Variants in BEND5 observed in about 807,000 individuals in gnomAD.
BEND5 encodes BEN domain containing 5.
Under a neutral mutation model 43.9 loss-of-function variants are expected in BEND5, and 22 were observed. The ratio of observed to expected loss-of-function variants is 0.50; its 90% CI spans 0.36 to 0.72. The LOEUF (loss-of-function observed/expected upper bound fraction) is 0.72. BEND5 is among the 30% of genes least tolerant of loss of function. The pLI is 0.00. For synonymous variants in BEND5, 228 were observed against 225.9 expected, an observed-to-expected ratio of 1.01 and a Z score of -0.08; for missense variants, 428 against 550.6, an observed-to-expected ratio of 0.78 and a Z score of 2.23.
chr1:48,738,121 C>T lies in BEND5; in HGVS notation c.895-1669G>A, dbSNP rs372811966. ...CTTGGCTTGGGAAGGAAGGTGAATA[C>T]ACATAGTTAGGCAGTCAGGTCAGCC... is the stretch of plus-strand genomic sequence containing the variant. On this transcript the variant is annotated intron_variant, in intron 4 of 5. Coordinates refer to ENST00000371833, the MANE Select transcript of BEND5 (RefSeq NM_024603.4). 5.5e-4 allele frequency among the ~76,000 whole-genome samples: 84 copies of T among 152,280 alleles called. 1 individual carries two copies. The East Asian group carries it at 6.6e-3, about 12-fold the overall frequency.
At position 48,776,630 on chromosome 1, in the gene BEND5, T is replaced by C. The variant is rs750611570; in HGVS notation, c.202A>G (p.Lys68Glu). 4.3e-3 allele frequency: 6,295 copies of C among 1,474,846 alleles called. 15 individuals are homozygous for C. Among genetic ancestry groups the C allele is most frequent in the Non-Finnish European group, 5.1e-3 (5,690 of 1,117,660 alleles). 91.4% of individuals were successfully genotyped at this position (1,474,846 alleles called of 1,614,324 possible). A position where few individuals can be genotyped will look rare whatever the true frequency, so the allele number is the denominator to read the frequency against. The change falls in exon 1 of 6, where the codon AAG becomes GAG. Residue 68 changes from lysine (K) to glutamate (E), a missense_variant. By Grantham distance (56) the Lys-to-Glu change is moderately conservative. Transcript: ENST00000371833. ...PRDWGALLLH[K>E]AQILALAEDK... Reference sequence around the variant, plus strand: ...CCTGCCAGCGCCAGGATCTGGGCCTTGTGGAGCAACAGCGCGCCCCAGTCG... The same window carrying C: ...CCTGCCAGCGCCAGGATCTGGGCCTCGTGGAGCAACAGCGCGCCCCAGTCG...
chr1:48,744,514 T>C (rs948385007), intron 3 of BEND5, among the ~76,000 whole-genome samples: 18 of 152,086 alleles, frequency 1.2e-4, no homozygotes, highest in African/African-American at 4.3e-4. Context: ...AAAAAAATAA[T>C]AGGCTGAAAA....
In BEND5 at chr1:48,759,053, G is replaced by A. The variant is rs201098567; in HGVS notation, c.592C>T (p.Arg198Cys). Residue 198 changes from arginine to cysteine, a missense_variant, in exon 3 of 6, where the codon CGC (arginine) becomes TGC (cysteine). Physicochemically the swap from Arg to Cys is radical, Grantham distance 180. Coordinates refer to ENST00000371833, the MANE Select transcript of BEND5 (RefSeq NM_024603.4). ...RNYQQQQEEM[R>C]HLQQELERTR... ...CGCTCCAGCTCCTGCTGGAGGTGGC[G>A]CATCTCTTCCTGTTGCTGCTGGTAG... 6.7e-5 allele frequency: 108 copies of A among 1,613,454 alleles called. No individual in the cohort carries two copies. The highest frequency in any genetic ancestry group is 1.3e-4 in the Admixed American group (8 of 59,888).
In BEND5 at chr1:48,774,634, C is replaced by G. The variant is rs148088019; in HGVS notation, c.226+1972G>C. 1.9e-3 allele frequency among the ~76,000 whole-genome samples: 295 copies of G among 152,322 alleles called. 2 individuals are homozygous for G. The highest frequency in any genetic ancestry group is 6.9e-3 in the African/African-American group (285 of 41,574). On this transcript the variant is annotated intron_variant, in intron 1 of 5. Transcript: ENST00000371833. ...CCATACAGATTTATCAACATTCTAACTTGGAGGATGAACAGTCTACAGGTT... is the reference window on the plus strand; with the variant it reads ...CCATACAGATTTATCAACATTCTAAGTTGGAGGATGAACAGTCTACAGGTT...
Position 48,734,615 on chromosome 1 carries a change from C to T in BEND5, c.1108+1624G>A, listed in dbSNP as rs146344445. Among the ~76,000 whole-genome samples the T allele has an allele frequency of 5.7e-3, 872 of 152,320 alleles. 13 individuals are homozygous for T. The highest frequency in any genetic ancestry group is 0.02 in the African/African-American group (828 of 41,564). On this transcript the variant is annotated intron_variant, in intron 5 of 5. Transcript: ENST00000371833. ...CAGCCATCTGGGGCTTCTTCACACC[C>T]GGAGCATGCCAGCCTTCATACCTGC... is the stretch of plus-strand genomic sequence containing the variant.
At chr1:48,759,440 T>A in intron 2 of BEND5, 156 bp from the exon 3 acceptor site, 1 of 1,295,794 alleles carries the variant, frequency 7.7e-7, no homozygotes. Flanking sequence ...CCCTTCATTT[T>A]ATAAATGGGG....
chr1:48,740,778 G>A (rs550263587), intron 4 of BEND5, among the ~76,000 whole-genome samples: 2 of 152,190 alleles, frequency 1.3e-5, no homozygotes, highest in African/African-American at 4.8e-5. Context: ...CAAGACAGCA[G>A]AGCCAAGAAC....
chr1:48,760,724 A>T (rs1274374703), intron 2 of BEND5, among the ~76,000 whole-genome samples: 1 of 152,138 alleles, frequency 6.6e-6, no homozygotes, highest in Non-Finnish European at 1.5e-5. Context: ...TGCAGAAGAC[A>T]TCCCACTTCC....
rs1254230360 is a variant in BEND5, at chr1:48,766,838, C to T, written c.227-5368G>A. 3.3e-5 allele frequency among the ~76,000 whole-genome samples: 5 copies of T among 152,188 alleles called. No individual in the cohort carries two copies. In the East Asian group the frequency reaches 9.6e-4, roughly 29 times the overall value. ...CAAGTCCTCTGCTCATTCTTTTCTGCAGGCAGTGAACATTTACTGTTCCTG... is the reference window on the plus strand; with the variant it reads ...CAAGTCCTCTGCTCATTCTTTTCTGTAGGCAGTGAACATTTACTGTTCCTG... On this transcript the variant is annotated intron_variant, in intron 1 of 5. Coordinates refer to ENST00000371833, the MANE Select transcript of BEND5 (RefSeq NM_024603.4).
chr1:48,767,250 G>A (rs1156806189), intron 1 of BEND5, among the ~76,000 whole-genome samples: 1 of 152,188 alleles, frequency 6.6e-6, no homozygotes, highest in Non-Finnish European at 1.5e-5. Flanking sequence ...CATTACCAGT[G>A]AAGTGGGGAT....
At chr1:48,750,143 C>T (rs1424057108) in intron 3 of BEND5, among the ~76,000 whole-genome samples, 1 of 152,188 alleles carries the variant, frequency 6.6e-6, no homozygotes, top group Non-Finnish European at 1.5e-5. Context: ...ATATGGGATT[C>T]ATCTTTGCTA....
intron 1 of BEND5, 44 bp downstream of exon 1, chr1:48,776,562 G>T: frequency 4.9e-6 from 5 of 1,016,240 alleles, no homozygotes; most frequent in South Asian, 1.9e-5. Context: ...CGGGGTCCCA[G>T]CCCCCGCCCG....
At position 48,727,808 on chromosome 1, in the gene BEND5, C is replaced by A; in HGVS notation, c.*78G>T. The A allele has an allele frequency of 7.1e-7, 1 of 1,400,044 alleles. No individual in the cohort carries two copies. The highest frequency in any genetic ancestry group is 1.8e-5 in the Admixed American group (1 of 55,544). The allele number at this position is 1,400,044 out of a possible 1,614,324, so 86.7% of individuals were successfully genotyped here. A position where few individuals can be genotyped will look rare whatever the true frequency, so the allele number is the denominator to read the frequency against. On this transcript the variant is annotated 3_prime_UTR_variant, in exon 6 of 6. Transcript: ENST00000371833. ...CACACACCACCATGCACGGTGGGGT[C>A]TGATTTGGACGGCACCATCGCTCGC...
chr1:48,754,279 C>T (rs1023032637), intron 3 of BEND5, among the ~76,000 whole-genome samples: 6 of 152,186 alleles, frequency 3.9e-5, no homozygotes, highest in South Asian at 4.1e-4. Context: ...CTCTATTGTT[C>T]TGCTTCCCTT....
At chr1:48,764,808 G>T (rs72904857) in intron 1 of BEND5, among the ~76,000 whole-genome samples, 2,007 of 152,310 alleles carry the variant, frequency 0.013, 37 homozygotes, top group African/African-American at 0.042. Flanking sequence ...AATGTTCCTT[G>T]AAAACAATAG....
At chr1:48,745,987 C>T (rs991292649) in intron 3 of BEND5, among the ~76,000 whole-genome samples, 1 of 152,096 alleles carries the variant, frequency 6.6e-6, no homozygotes, top group Non-Finnish European at 1.5e-5. Context: ...TTGAGGACAG[C>T]CAAGGACCGT....
chr1:48,739,453 C>T (rs1649569238), intron 4 of BEND5, among the ~76,000 whole-genome samples: 1 of 151,904 alleles, frequency 6.6e-6, no homozygotes, highest in South Asian at 2.1e-4. Context: ...CATTTCTCTA[C>T]TATATTCATC....
intron 5 of BEND5, among the ~76,000 whole-genome samples, chr1:48,733,166 A>T (rs1648428559): frequency 6.6e-6 from 1 of 152,180 alleles, no homozygotes; most frequent in South Asian, 2.1e-4. Flanking sequence ...TGGGTGACAG[A>T]GTGCCCTTTA....
rs148968303 is a variant in BEND5 at position 48,759,153 on chromosome 1, C to T, written c.492G>A (p.Ser164=). The T allele has an allele frequency of 1.5e-4, 237 of 1,614,050 alleles. 3 individuals carry two copies. In the African/African-American group the frequency reaches 2.6e-3, roughly 18 times the overall value. ...TCPEEVFVEA[S]PGTEDMDSLE... Reference sequence around the variant, plus strand: ...GACTGTCCATGTCCTCTGTGCCTGGCGAGGCCTCCACGAAGACCTCTTCCG... The same window carrying T: ...GACTGTCCATGTCCTCTGTGCCTGGTGAGGCCTCCACGAAGACCTCTTCCG... The change falls in exon 3 of 6, where the codon TCG becomes TCA. Residue 164 remains serine (S), a synonymous_variant. Coordinates refer to ENST00000371833, the MANE Select transcript of BEND5 (RefSeq NM_024603.4).
Sources: allele counts gnomAD v4.1 joint callset (sites outside exome capture counted in the v4.1 genomes callset), GRCh38; gene constraint gnomAD v4.1.1; transcripts MANE v1.5; gene names NCBI Gene and HGNC (gene_info 2026-07-23, HGNC 2026-07-21).